MORC3: variants seen among roughly 807,000 people sequenced by gnomAD.
MORC3 encodes MORC family CW-type zinc finger 3.
In MORC3, 31 loss-of-function variants were observed where a neutral mutation model predicts 109.1. The observed-to-expected ratio is 0.28, with a 90% CI of 0.21 to 0.38. The LOEUF (loss-of-function observed/expected upper bound fraction) is 0.38, where lower values mean the gene tolerates loss of function less well. MORC3 is among the 10% of genes least tolerant of loss of function. MORC3 has a pLI of 1.00. For synonymous variants in MORC3, 395 were observed against 380.7 expected (o/e 1.04, Z -0.44); for missense variants, 867 against 1,135.8 (o/e 0.76, Z 3.40).
At chr21:36,372,348 A>T (rs758157070) in intron 15 of MORC3, 26 bp from the exon 16 acceptor site, 27 of 1,527,968 alleles carry the variant, frequency 1.8e-5, no homozygotes, top group Non-Finnish European at 2.4e-5. Flanking sequence ...TTTTACAGTT[A>T]TAAAGCTCAT....
chr21:36,357,692 T>C (rs1425768600), intron 10 of MORC3, among the ~76,000 whole-genome samples: 1 of 151,836 alleles, frequency 6.6e-6, no homozygotes. Context: ...AACCTCTAGA[T>C]TGTTTTGAAG....
Position 36,372,407 on chromosome 21 carries a change from C to A in MORC3, c.2542C>A (p.Arg848Ser), listed in dbSNP as rs746048168. The change falls in exon 16 of 17, where the codon CGT becomes AGT. Residue 848 changes from arginine to serine, a missense_variant. By Grantham distance (110) the Arg-to-Ser change is moderately radical. This residue lies in a region of MORC3 where 486 missense variants were observed against 502.1 expected (regional missense o/e 0.97). Coordinates refer to ENST00000400485, the MANE Select transcript of MORC3 (RefSeq NM_015358.3). ...ELLEMEKSQI[R>S]SQCEELKTEV... The stretch of plus-strand genomic sequence containing the variant: ...GCTGGAAATGGAAAAGTCACAAATC[C>A]GTTCACAGTGTGAAGAACTCAAAAC... The A allele has an allele frequency of 1.9e-6, 3 of 1,587,912 alleles. No individual in the cohort carries two copies. The highest frequency in any genetic ancestry group is 1.7e-6 in the Non-Finnish European group (2 of 1,173,104).
At chr21:36,362,319 G>A (rs925644685) in intron 13 of MORC3, 91 bp downstream of exon 13, 219 of 1,380,662 alleles carry the variant, frequency 1.6e-4, no homozygotes, top group Non-Finnish European at 2.1e-4. Context: ...GAGGCAGGTG[G>A]ATCACCTGAG....
intron 8 of MORC3, among the ~76,000 whole-genome samples, chr21:36,347,187 GT>G (rs2085518543): frequency 1.3e-5 from 1 of 74,166 alleles, no homozygotes; most frequent in Admixed American, 1.6e-4. Context: ...TTTATTCTGA[GT>G]TTTTTGTAGA....
intron 1 of MORC3, among the ~76,000 whole-genome samples, chr21:36,330,003 C>T (rs915315978): frequency 6.6e-6 from 1 of 152,094 alleles, no homozygotes; most frequent in African/African-American, 2.4e-5. Context: ...GGTGAGATTA[C>T]AGGCATGAGC....
Position 36,320,248 on chromosome 21 carries a change from T to G in MORC3, c.-17T>G. The G allele has an allele frequency of 1.3e-6, 2 of 1,576,546 alleles. No individual in the cohort carries two copies. Among genetic ancestry groups the G allele is most frequent in the Non-Finnish European group, 8.6e-7 (1 of 1,162,662 alleles). On this transcript the variant is annotated 5_prime_UTR_variant, in exon 1 of 17. Transcript: ENST00000400485. The stretch of plus-strand genomic sequence containing the variant: ...GGTTGCGGCGGAGGCCGTTCCTGGC[T>G]TTGTAGCTCGCTCAAGATGGCGGCG...
intron 4 of MORC3, among the ~76,000 whole-genome samples, chr21:36,338,352 ATTC>A (rs1038274199): frequency 9.9e-5 from 15 of 152,182 alleles, no homozygotes; most frequent in African/African-American, 2.7e-4. Context: ...CTTATTTTTT[ATTC>A]TTCTTCTTGT....
chr21:36,356,847 A>G, intron 10 of MORC3, 123 bp downstream of exon 10: 2 of 556,444 alleles, frequency 3.6e-6, no homozygotes, highest in Admixed American at 3.9e-5. Context: ...ATTCTGCAAC[A>G]TGAATTAGCG....
At chr21:36,356,824 C>G in intron 10 of MORC3, 100 bp downstream of exon 10, 1 of 665,152 alleles carries the variant, frequency 1.5e-6, no homozygotes, top group Non-Finnish European at 2.4e-6. Context: ...AGGACTGTAA[C>G]TCATAGGAAT....
At chr21:36,356,483 C>T in intron 9 of MORC3, 137 bp from the exon 10 acceptor site, 1 of 432,310 alleles carries the variant, frequency 2.3e-6, no homozygotes, top group Non-Finnish European at 4.2e-6. Context: ...CAAGGGTCAC[C>T]TATACCTTGA....
intron 10 of MORC3, among the ~76,000 whole-genome samples, chr21:36,359,164 A>T (rs997992726): frequency 6.6e-6 from 1 of 152,202 alleles, no homozygotes; most frequent in Admixed American, 6.5e-5. Context: ...TAGATTTAAC[A>T]TTGTAGACAC....
At chr21:36,323,897 C>T (rs1372416880) in intron 1 of MORC3, among the ~76,000 whole-genome samples, 8 of 150,576 alleles carry the variant, frequency 5.3e-5, no homozygotes, top group African/African-American at 4.9e-5. Context: ...TTTTTAGAGA[C>T]GGAGTTTCGC....
intron 14 of MORC3, among the ~76,000 whole-genome samples, chr21:36,364,872 T>C (rs552804315): frequency 1.3e-5 from 2 of 151,834 alleles, no homozygotes; most frequent in African/African-American, 4.8e-5. Context: ...GCCAACATGG[T>C]GAAACCCCGT....
At chr21:36,345,785 G>C (rs1354943732) in intron 8 of MORC3, among the ~76,000 whole-genome samples, 1 of 152,010 alleles carries the variant, frequency 6.6e-6, no homozygotes, top group Non-Finnish European at 1.5e-5. Flanking sequence ...CCAAACTCCT[G>C]ACCTCAGGTG....
intron 9 of MORC3, 59 bp downstream of exon 9, chr21:36,349,467 C>A: frequency 9.1e-7 from 1 of 1,101,450 alleles, no homozygotes. Flanking sequence ...ACCAAGAAAG[C>A]AGGAACTACT....
chr21:36,336,871 C>T lies in MORC3; in HGVS notation c.113-3C>T, dbSNP rs775733003. 1.9e-6 allele frequency: 3 copies of T among 1,589,776 alleles called. No homozygotes were observed. Among genetic ancestry groups the T allele is most frequent in the East Asian group, 4.5e-5 (2 of 44,010 alleles). ...AGAATTTCTTCAAACTTGTGTTTCC[C>T]AGATAATGCTTATGATCCTGATGTG... On this transcript the variant is annotated splice_region_variant and splice_polypyrimidine_tract_variant and intron_variant, in intron 2 of 16. Transcript: ENST00000400485.
intron 16 of MORC3, among the ~76,000 whole-genome samples, 175 bp downstream of exon 16, chr21:36,372,706 T>C (rs921800068): frequency 2.0e-5 from 3 of 152,220 alleles, no homozygotes; most frequent in Non-Finnish European, 4.4e-5. Context: ...TTATCCTTCC[T>C]TTCCAGTTTC....
At position 36,360,193 on chromosome 21, in the gene MORC3, G is replaced by A. The variant is rs1256376369; in HGVS notation, c.1341G>A (p.Glu447=). ...TGATTTTTCTGAATAGAAATTGTGA[G>A]GTTCCAGAAGAACCTGAAGATGAGG... The part of the protein sequence containing the change: ...NNPDPQFRNC[E]VPEEPEDEDL... Residue 447 remains glutamate, a synonymous_variant, in exon 12 of 17, where the codon GAG becomes GAA. Coordinates refer to ENST00000400485, the MANE Select transcript of MORC3 (RefSeq NM_015358.3). 1 of 1,614,116 alleles carries A rather than the reference G, an allele frequency of 6.2e-7. No individual in the cohort carries two copies. Among genetic ancestry groups the A allele is most frequent in the South Asian group, 1.1e-5 (1 of 91,076 alleles).
chr21:36,374,831 C>T (rs776857027), intron 16 of MORC3, among the ~76,000 whole-genome samples: 4 of 151,936 alleles, frequency 2.6e-5, no homozygotes, highest in Admixed American at 1.3e-4. Context: ...TCACCAAGCC[C>T]GGCTAATATT....
Sources: allele counts gnomAD v4.1 joint callset (sites outside exome capture counted in the v4.1 genomes callset), GRCh38; gene constraint gnomAD v4.1.1; regional missense constraint gnomAD v4.1.1; transcripts MANE v1.5; gene names NCBI Gene and HGNC (gene_info 2026-07-23, HGNC 2026-07-21).